The following TENM4 variants were observed in gnomAD, a reference collection of about 807,000 sequenced individuals.
TENM4 encodes teneurin-4.
A neutral mutation model predicts 243.3 loss-of-function variants in TENM4; 82 were observed. The observed-to-expected ratio is 0.34, with a 90% CI of 0.28 to 0.40. The LOEUF is 0.40. TENM4 is among the 10% of genes least tolerant of loss of function. The pLI, the probability that TENM4 is intolerant of heterozygous loss-of-function variation, is 1.00. For missense variants in TENM4, 3,138 were observed against 3,673.3 expected (o/e 0.85, Z 3.77); for synonymous variants, 1,412 against 1,456.3 (o/e 0.97, Z 0.69).
chr11:79,230,947 C>T (rs78658754), intron 2 of TENM4, among the ~76,000 whole-genome samples: 1 of 152,272 alleles, frequency 6.6e-6, no homozygotes, highest in East Asian at 1.9e-4. Flanking sequence ...GCACATCCAC[C>T]TTGGATGTTT....
At chr11:79,231,175 G>A (rs936049694) in intron 2 of TENM4, among the ~76,000 whole-genome samples, 1 of 152,190 alleles carries the variant, frequency 6.6e-6, no homozygotes, top group Non-Finnish European at 1.5e-5. Flanking sequence ...AGATAGAAGA[G>A]GGTTAATATT....
At chr11:79,065,440 C>CA (rs1860220082) in intron 5 of TENM4, among the ~76,000 whole-genome samples, 1 of 152,182 alleles carries the variant, frequency 6.6e-6, no homozygotes, top group African/African-American at 2.4e-5. Flanking sequence ...TTCCCTAGAA[C>CA]AAAAATGCAG....
At chr11:79,328,513 T>C (rs769171429) in intron 1 of TENM4, among the ~76,000 whole-genome samples, 6 of 152,106 alleles carry the variant, frequency 3.9e-5, no homozygotes, top group Non-Finnish European at 7.4e-5. Context: ...TTCTTGTTCC[T>C]GTGACAGCAA....
At chr11:78,901,767 G>A (rs1855933637) in intron 7 of TENM4, among the ~76,000 whole-genome samples, 1 of 152,182 alleles carries the variant, frequency 6.6e-6, no homozygotes, top group South Asian at 2.1e-4. Context: ...TGTTACTGAT[G>A]AGGCACACAG....
rs1288811804 is a variant in TENM4 at position 79,205,045 on chromosome 11, G to A, written c.-163+10763C>T. Among the ~76,000 whole-genome samples, 8 of 152,196 alleles carry A rather than the reference G, an allele frequency of 5.3e-5. No homozygotes were observed. In the East Asian group the frequency reaches 1.5e-3, roughly 29 times the overall value. On this transcript the variant is annotated intron_variant, in intron 3 of 33. Transcript: ENST00000278550. The stretch of plus-strand genomic sequence containing the variant: ...GAGCAATACTAAATTCCAGATACTT[G>A]TTGCCTCTTAGGAAGGAGAGGAATG...
intron 1 of TENM4, among the ~76,000 whole-genome samples, chr11:79,331,951 C>T (rs1004505500): frequency 2.0e-5 from 3 of 152,204 alleles, no homozygotes; most frequent in Non-Finnish European, 2.9e-5. Flanking sequence ...TGCTCAGATG[C>T]ACCGCAGCAC....
At chr11:79,262,962 C>G (rs1436161070) in intron 2 of TENM4, among the ~76,000 whole-genome samples, 1 of 152,254 alleles carries the variant, frequency 6.6e-6, no homozygotes, top group African/African-American at 2.4e-5. Context: ...TTCCCTAACA[C>G]CTTTGCTGAA....
At chr11:78,668,517 T>C (rs12284673) in intron 32 of TENM4, among the ~76,000 whole-genome samples, 1 of 152,036 alleles carries the variant, frequency 6.6e-6, no homozygotes, top group Non-Finnish European at 1.5e-5. Context: ...AAGGACTCAT[T>C]AGCAGTTTGA....
chr11:79,139,669 T>C, intron 4 of TENM4, among the ~76,000 whole-genome samples: 1 of 97,358 alleles, frequency 1.0e-5, no homozygotes, highest in Non-Finnish European at 1.8e-5. Flanking sequence ...ATAAAATATA[T>C]ATATTTTATA....
At chr11:79,320,826 C>T (rs1856876022) in intron 1 of TENM4, among the ~76,000 whole-genome samples, 1 of 152,162 alleles carries the variant, frequency 6.6e-6, no homozygotes, top group Non-Finnish European at 1.5e-5. Context: ...TTCAAATTCT[C>T]CCTATAGCTT....
intron 3 of TENM4, among the ~76,000 whole-genome samples, chr11:79,149,560 A>T (rs922200255): frequency 6.6e-6 from 1 of 150,766 alleles, no homozygotes; most frequent in African/African-American, 2.5e-5. Flanking sequence ...TTTAAAAAAC[A>T]TCTCATCTTT....
intron 12 of TENM4, among the ~76,000 whole-genome samples, chr11:78,849,434 C>T (rs923954667): frequency 2.0e-5 from 3 of 152,126 alleles, no homozygotes; most frequent in African/African-American, 4.8e-5. Flanking sequence ...TAACTTTGGG[C>T]TAGTCAACCA....
intron 2 of TENM4, among the ~76,000 whole-genome samples, chr11:79,221,493 C>T (rs575763698): frequency 6.6e-6 from 1 of 151,934 alleles, no homozygotes; most frequent in Admixed American, 6.6e-5. Context: ...CACAAACTCA[C>T]CGAGAAACTT....
At chr11:78,942,340 G>A (rs1250718654) in intron 6 of TENM4, among the ~76,000 whole-genome samples, 1 of 138,578 alleles carries the variant, frequency 7.2e-6, no homozygotes, top group African/African-American at 2.6e-5. Flanking sequence ...CTAATAATTG[G>A]ATGGCTGAGT....
chr11:79,397,937 T>C (rs1858378996), intron 1 of TENM4, among the ~76,000 whole-genome samples: 1 of 152,210 alleles, frequency 6.6e-6, no homozygotes, highest in Non-Finnish European at 1.5e-5. Flanking sequence ...GCAAGGCCCA[T>C]TTATATGAGT....
At chr11:79,142,289 G>T (rs1417242439) in intron 4 of TENM4, among the ~76,000 whole-genome samples, 1 of 151,632 alleles carries the variant, frequency 6.6e-6, no homozygotes, top group East Asian at 1.9e-4. Context: ...AAAGTTGCAG[G>T]GTACAAAATC....
At chr11:78,928,913 G>A (rs1856610355) in intron 6 of TENM4, among the ~76,000 whole-genome samples, 1 of 152,206 alleles carries the variant, frequency 6.6e-6, no homozygotes, top group Admixed American at 6.5e-5. Flanking sequence ...GGTGGCATGA[G>A]CCACTTCCTA....
intron 3 of TENM4, among the ~76,000 whole-genome samples, chr11:79,176,445 C>T (rs1410434894): frequency 6.6e-6 from 1 of 152,158 alleles, no homozygotes; most frequent in Non-Finnish European, 1.5e-5. Context: ...TAATATATTC[C>T]TAACAGATTG....
intron 4 of TENM4, among the ~76,000 whole-genome samples, chr11:79,140,677 G>C (rs1862269835): frequency 6.6e-6 from 1 of 152,040 alleles, no homozygotes; most frequent in African/African-American, 2.4e-5. Context: ...TCACATTTTT[G>C]TAATAAAATA....
Sources: gnomAD v4.1 joint callset for allele counts (sites outside exome capture counted in the v4.1 genomes callset) on GRCh38, gnomAD v4.1.1 for gene constraint, MANE v1.5 for transcripts, NCBI Gene and HGNC (gene_info 2026-07-23, HGNC 2026-07-21) for gene names.